Variants in ZNF804A observed in about 807,000 individuals in gnomAD.
ZNF804A encodes zinc finger protein 804A.
Under a neutral mutation model 16.5 loss-of-function variants are expected in ZNF804A, and 2 were observed. The observed-to-expected ratio is 0.12, with a 90% CI of 0.05 to 0.38. The LOEUF (loss-of-function observed/expected upper bound fraction) is 0.38, where lower values mean the gene tolerates loss of function less well. Among genes scored for constraint, ZNF804A ranks in the 10% least tolerant of loss-of-function variants. The pLI, the probability that ZNF804A is intolerant of heterozygous loss-of-function variation, is 0.99. For missense variants in ZNF804A, 1,473 were observed against 1,390.7 expected (o/e 1.06, Z -0.94); for synonymous variants, 534 against 489.6 (o/e 1.09, Z -1.20).
chr2:184,871,790 G>C (rs1695980814), intron 2 of ZNF804A, among the ~76,000 whole-genome samples: 1 of 151,926 alleles, frequency 6.6e-6, no homozygotes, highest in South Asian at 2.1e-4. Context: ...TTTTAGTTTA[G>C]TTTACTAGGA....
intron 1 of ZNF804A, among the ~76,000 whole-genome samples, chr2:184,747,277 C>G (rs1337591141): frequency 1.4e-5 from 2 of 138,148 alleles, no homozygotes; most frequent in Non-Finnish European, 3.1e-5. Flanking sequence ...CCCTTCCACA[C>G]TGTGGAAGCT....
At chr2:184,890,882 A>G (rs941701033) in intron 2 of ZNF804A, among the ~76,000 whole-genome samples, 5 of 151,274 alleles carry the variant, frequency 3.3e-5, no homozygotes, top group African/African-American at 1.2e-4. Flanking sequence ...ACTGTAGTAT[A>G]TGTGTCAAAT....
chr2:184,861,701 G>A (rs1462907539), intron 1 of ZNF804A, among the ~76,000 whole-genome samples: 1 of 152,128 alleles, frequency 6.6e-6, no homozygotes, highest in African/African-American at 2.4e-5. Context: ...GCTATGATGA[G>A]GCTACTATGA....
In ZNF804A at chr2:184,686,539, CT is replaced by C. The variant is rs1411105136; in HGVS notation, c.111+87472del. ...ATGTGTCTTTTTGGTAGATGATTTA[CT>C]TTCCTTTGGGTATATGCCCAGTAAT... On this transcript the variant is annotated intron_variant, in intron 1 of 3. Transcript: ENST00000302277. Among the ~76,000 whole-genome samples the C allele has an allele frequency of 6.6e-5, 10 of 152,302 alleles. No homozygotes were observed. In the East Asian group the frequency reaches 1.9e-3, roughly 29 times the overall value.
In ZNF804A at chr2:184,657,882, A is replaced by G. The variant is rs543988037; in HGVS notation, c.111+58812A>G. ...CTGTGGAAGGAGAGAGATCAAATGG[A>G]TAATTGGAGTATGGAGAACTGTATA... is the stretch of plus-strand genomic sequence containing the variant. On this transcript the variant is annotated intron_variant, in intron 1 of 3. Coordinates refer to ENST00000302277, the MANE Select transcript of ZNF804A (RefSeq NM_194250.2). Among the ~76,000 whole-genome samples the G allele has an allele frequency of 9.2e-5, 14 of 152,302 alleles. No homozygotes were observed. In the South Asian group the frequency reaches 1.0e-3, roughly 11 times the overall value.
chr2:184,749,974 A>G (rs1693854567), intron 1 of ZNF804A, among the ~76,000 whole-genome samples: 1 of 151,170 alleles, frequency 6.6e-6, no homozygotes, highest in Admixed American at 6.6e-5. Flanking sequence ...CATAAAGATA[A>G]TGAATACTTA....
rs775461654 is a variant in ZNF804A at position 184,938,641 on chromosome 2, A to C, written c.3245A>C (p.Gln1082Pro). The C allele has an allele frequency of 4.3e-6, 7 of 1,613,956 alleles. No individual in the cohort carries two copies. Among genetic ancestry groups the C allele is most frequent in the Non-Finnish European group, 4.2e-6 (5 of 1,179,960 alleles). Residue 1082 changes from glutamine (Q) to proline (P), a missense_variant, in exon 4 of 4, where the codon CAG (glutamine) becomes CCG (proline). Coordinates refer to ENST00000302277, the MANE Select transcript of ZNF804A (RefSeq NM_194250.2). ...AALPPPSTPL[Q>P]PLPLQQSLCS... Reference sequence around the variant, plus strand: ...CTCCCACCCCCTAGCACACCTCTGCAGCCTTTGCCTTTGCAGCAGTCCTTA... The same window carrying C: ...CTCCCACCCCCTAGCACACCTCTGCCGCCTTTGCCTTTGCAGCAGTCCTTA...
At chr2:184,755,816 T>C (rs1309775497) in intron 1 of ZNF804A, among the ~76,000 whole-genome samples, 3 of 152,016 alleles carry the variant, frequency 2.0e-5, no homozygotes, top group Non-Finnish European at 4.4e-5. Flanking sequence ...GTTTAGTTGC[T>C]TTGTTCTAGA....
intron 1 of ZNF804A, among the ~76,000 whole-genome samples, chr2:184,751,038 A>G (rs1328633861): frequency 6.6e-6 from 1 of 151,530 alleles, no homozygotes; most frequent in East Asian, 1.9e-4. Context: ...ATAATACTGT[A>G]TTGTCAGAAT....
chr2:184,904,721 G>A (rs555986462), intron 2 of ZNF804A, among the ~76,000 whole-genome samples: 2 of 151,912 alleles, frequency 1.3e-5, no homozygotes, highest in East Asian at 3.9e-4. Flanking sequence ...TGCTACTCCT[G>A]TTATATAATC....
intron 1 of ZNF804A, among the ~76,000 whole-genome samples, chr2:184,764,897 C>A (rs1038782439): frequency 6.6e-6 from 1 of 152,126 alleles, no homozygotes; most frequent in South Asian, 2.1e-4. Flanking sequence ...AAAAATCTAA[C>A]TGCTCCAACT....
At chr2:184,857,715 A>C (rs190958767) in intron 1 of ZNF804A, among the ~76,000 whole-genome samples, 1 of 152,194 alleles carries the variant, frequency 6.6e-6, no homozygotes, top group African/African-American at 2.4e-5. Flanking sequence ...TTAACACTAT[A>C]TAATGACCTT....
At chr2:184,774,510 C>T (rs1694259679) in intron 1 of ZNF804A, among the ~76,000 whole-genome samples, 1 of 151,508 alleles carries the variant, frequency 6.6e-6, no homozygotes, top group Non-Finnish European at 1.5e-5. Context: ...TGTTGCTGTT[C>T]ATTTTATTGG....
intron 1 of ZNF804A, among the ~76,000 whole-genome samples, chr2:184,755,916 T>G (rs1348453964): frequency 6.6e-6 from 1 of 151,994 alleles, no homozygotes; most frequent in African/African-American, 2.4e-5. Context: ...GCTGTTTATT[T>G]TCATTTAAAG....
chr2:184,855,916 C>T (rs1331708975), intron 1 of ZNF804A, among the ~76,000 whole-genome samples: 1 of 152,012 alleles, frequency 6.6e-6, no homozygotes, highest in Non-Finnish European at 1.5e-5. Flanking sequence ...CAGAAACAGA[C>T]CTCCAGAGTC....
At chr2:184,809,746 A>T (rs1314816071) in intron 1 of ZNF804A, among the ~76,000 whole-genome samples, 2 of 152,008 alleles carry the variant, frequency 1.3e-5, no homozygotes, top group Admixed American at 6.6e-5. Context: ...ATATGCGTGT[A>T]TGAATATGTA....
Position 184,936,634 on chromosome 2 carries a change from A to G in ZNF804A, c.1238A>G (p.Lys413Arg). ...NTEEVNITIH[K>R]KTNFCKRQCE... The stretch of plus-strand genomic sequence containing the variant: ...GAAGAGGTTAACATAACTATACATA[A>G]GAAAACAAATTTCTGCAAAAGACAA... Residue 413 changes from lysine to arginine, a missense_variant, in exon 4 of 4, where the codon AAG becomes AGG. Coordinates refer to ENST00000302277, the MANE Select transcript of ZNF804A (RefSeq NM_194250.2). 2 of 1,614,046 alleles carry G rather than the reference A, an allele frequency of 1.2e-6. No individual in the cohort carries two copies. The highest frequency in any genetic ancestry group is 1.7e-6 in the Non-Finnish European group (2 of 1,179,946).
intron 2 of ZNF804A, among the ~76,000 whole-genome samples, chr2:184,904,533 C>T (rs1685239547): frequency 6.6e-6 from 1 of 152,000 alleles, no homozygotes. Flanking sequence ...CTTGCCATGA[C>T]AAAGTATTCT....
intron 1 of ZNF804A, among the ~76,000 whole-genome samples, chr2:184,697,160 G>A (rs1284628086): frequency 6.6e-6 from 1 of 151,958 alleles, no homozygotes; most frequent in Non-Finnish European, 1.5e-5. Context: ...TTTAAAGATT[G>A]TAGCTATTAT....
Sources: gnomAD v4.1 joint callset for allele counts (sites outside exome capture counted in the v4.1 genomes callset) on GRCh38, gnomAD v4.1.1 for gene constraint, MANE v1.5 for transcripts, NCBI Gene and HGNC (gene_info 2026-07-23, HGNC 2026-07-21) for gene names.